Variants in ADIPOR1 observed in about 807,000 individuals in gnomAD.
ADIPOR1 encodes the protein adiponectin receptor 1.
A neutral mutation model predicts 37.5 loss-of-function variants in ADIPOR1; 15 were observed. The ratio of observed to expected loss-of-function variants is 0.40; its 90% CI spans 0.27 to 0.62. ADIPOR1 has a LOEUF of 0.62. Ranked by LOEUF, ADIPOR1 falls within the 20% of genes least tolerant of loss-of-function variation. The pLI, the probability that ADIPOR1 is intolerant of heterozygous loss-of-function variation, is 0.42. For synonymous variants in ADIPOR1, 173 were observed against 173.2 expected (o/e 1.00, Z 0.01); for missense variants, 286 against 478.0 (o/e 0.60, Z 3.75).
intron 3 of ADIPOR1, among the ~76,000 whole-genome samples, chr1:202,947,986 C>T (rs766090194): frequency 2.6e-5 from 4 of 152,142 alleles, no homozygotes; most frequent in Non-Finnish European, 5.9e-5. Context: ...TACATTAGTG[C>T]TCATCATTCA....
At chr1:202,944,884 C>A in intron 5 of ADIPOR1, 99 bp downstream of exon 5, 1 of 1,224,466 alleles carries the variant, frequency 8.2e-7, no homozygotes, top group South Asian at 1.6e-5. Flanking sequence ...ATCAAGAAAC[C>A]TTTAGGAGTG....
At chr1:202,955,141 T>C (rs554902683) in intron 1 of ADIPOR1, among the ~76,000 whole-genome samples, 1 of 152,152 alleles carries the variant, frequency 6.6e-6, no homozygotes, top group Non-Finnish European at 1.5e-5. Flanking sequence ...ATATAGGGCC[T>C]CAGCTCTCCT....
At chr1:202,956,551 A>T (rs886262238) in intron 1 of ADIPOR1, among the ~76,000 whole-genome samples, 6 of 152,230 alleles carry the variant, frequency 3.9e-5, no homozygotes, top group Non-Finnish European at 7.3e-5. Context: ...TACAAGGCTT[A>T]GTGCCATTAT....
At chr1:202,946,646 G>C in intron 3 of ADIPOR1, 36 bp from the exon 4 acceptor site, 1 of 1,606,588 alleles carries the variant, frequency 6.2e-7, no homozygotes. Context: ...TAGGGCACTA[G>C]ATAGTACCTT....
At chr1:202,951,928 A>G (rs1654591200) in intron 1 of ADIPOR1, among the ~76,000 whole-genome samples, 1 of 152,194 alleles carries the variant, frequency 6.6e-6, no homozygotes, top group African/African-American at 2.4e-5. Flanking sequence ...TGTTTCAACC[A>G]CCACAACCCA....
At chr1:202,942,779 T>C (rs1333947294) in intron 6 of ADIPOR1, among the ~76,000 whole-genome samples, 1 of 152,206 alleles carries the variant, frequency 6.6e-6, no homozygotes, top group Non-Finnish European at 1.5e-5. Flanking sequence ...TCCATCTTTG[T>C]AAATACCTTT....
intron 2 of ADIPOR1, 92 bp downstream of exon 2, chr1:202,950,838 C>G: frequency 6.5e-7 from 1 of 1,537,440 alleles, no homozygotes; most frequent in Non-Finnish European, 8.9e-7. Flanking sequence ...AATGTTCCTC[C>G]TTTTGGACGG....
intron 2 of ADIPOR1, among the ~76,000 whole-genome samples, chr1:202,949,435 C>A (rs1297772125): frequency 6.6e-6 from 1 of 151,812 alleles, no homozygotes; most frequent in Non-Finnish European, 1.5e-5. Flanking sequence ...AAAAAATTAG[C>A]CGGGCGAGGT....
At chr1:202,943,249 T>C (rs762675286) in intron 6 of ADIPOR1, among the ~76,000 whole-genome samples, 51 of 152,332 alleles carry the variant, frequency 3.3e-4, no homozygotes, top group Admixed American at 1.5e-3. Context: ...TAATTGGTGG[T>C]GTTGCTGCAA....
chr1:202,945,063 A>T lies in ADIPOR1; in HGVS notation c.537T>A (p.Gly179=), dbSNP rs1654253529. 2.5e-6 allele frequency: 4 copies of T among 1,614,082 alleles called. No individual in the cohort carries two copies. The highest frequency in any genetic ancestry group is 3.4e-6 in the Non-Finnish European group (4 of 1,180,038). Residue 179 remains glycine (G), a synonymous_variant, in exon 5 of 8, where the codon GGT becomes GGA. Transcript: ENST00000340990. ...EKVVFGMFFL[G]AVLCLSFSWL... ...AGGAGAAGCTGAGGCAGAGCACTGC[A>T]CCCAAAAAGAACATCCCAAAAACCA...
rs759555652 is a variant in ADIPOR1, at chr1:202,942,053, C to A, written c.971G>T (p.Arg324Leu). The A allele has an allele frequency of 6.2e-7, 1 of 1,612,918 alleles. No individual in the cohort carries two copies. Among genetic ancestry groups the A allele is most frequent in the Non-Finnish European group, 8.5e-7 (1 of 1,179,540 alleles). ...AGLYAARIPE[R>L]FFPGKFDIWF... ...TATGTCAAATTTTCCAGGAAAGAAG[C>A]GCTCAGGAATTCGAGCAGCATAAAG... Residue 324 changes from arginine to leucine, a missense_variant, in exon 7 of 8, where the codon CGC becomes CTC. Physicochemically the swap from Arg to Leu is moderately radical, Grantham distance 102 (BLOSUM62 -2). Transcript: ENST00000340990.
chr1:202,949,052 A>G (rs1654450725), intron 2 of ADIPOR1, among the ~76,000 whole-genome samples: 2 of 151,348 alleles, frequency 1.3e-5, no homozygotes, highest in African/African-American at 2.4e-5. Flanking sequence ...CGGCCTCCCA[A>G]AGTGCTGGGA....
chr1:202,954,881 C>T (rs1311873590), intron 1 of ADIPOR1, among the ~76,000 whole-genome samples: 3 of 152,184 alleles, frequency 2.0e-5, no homozygotes, highest in Non-Finnish European at 4.4e-5. Context: ...GGCTACGGCA[C>T]ACCTTTCCTG....
At position 202,944,987 on chromosome 1, in the gene ADIPOR1, A is replaced by G; in HGVS notation, c.613T>C (p.Ser205Pro). 6.2e-7 allele frequency: 1 copy of G among 1,609,120 alleles called. No individual in the cohort carries two copies. Among genetic ancestry groups the G allele is most frequent in the Non-Finnish European group, 8.5e-7 (1 of 1,178,346 alleles). Residue 205 changes from serine to proline, a missense_variant, in exon 5 of 8, where the codon TCC (serine) becomes CCC (proline). Coordinates refer to ENST00000340990, the MANE Select transcript of ADIPOR1 (RefSeq NM_015999.6). ...TATGGTGTTCTTTTAACTCACTTGGAAAAAGTCCGAGAGACTTTCTCTGAA... is the reference window on the plus strand; with the variant it reads ...TATGGTGTTCTTTTAACTCACTTGGGAAAAGTCCGAGAGACTTTCTCTGAA... ...CHSEKVSRTF[S>P]KLDYSGIALL... is the part of the protein sequence containing the mutation.
chr1:202,949,830 C>T (rs1051881646), intron 2 of ADIPOR1, among the ~76,000 whole-genome samples: 7 of 152,310 alleles, frequency 4.6e-5, no homozygotes, highest in South Asian at 4.1e-4. Context: ...ACAAAGCCCA[C>T]GGTTTTGTTC....
At chr1:202,954,508 C>T (rs1295066945) in intron 1 of ADIPOR1, among the ~76,000 whole-genome samples, 1 of 152,196 alleles carries the variant, frequency 6.6e-6, no homozygotes, top group Non-Finnish European at 1.5e-5. Context: ...CTAGGTGAGC[C>T]AACCTTCTGC....
chr1:202,954,990 C>T (rs1654723207), intron 1 of ADIPOR1, among the ~76,000 whole-genome samples: 1 of 152,146 alleles, frequency 6.6e-6, no homozygotes, highest in African/African-American at 2.4e-5. Context: ...TGTCCTAAAG[C>T]AAGACCAGTC....
intron 1 of ADIPOR1, among the ~76,000 whole-genome samples, chr1:202,956,440 A>G (rs1223419953): frequency 1.3e-5 from 2 of 152,220 alleles, no homozygotes; most frequent in Non-Finnish European, 1.5e-5. Context: ...ATTACTTACA[A>G]TACGCATGGT....
At chr1:202,956,632 T>C (rs1169415936) in intron 1 of ADIPOR1, among the ~76,000 whole-genome samples, 1 of 152,194 alleles carries the variant, frequency 6.6e-6, no homozygotes, top group Non-Finnish European at 1.5e-5. Context: ...TGGAAGATTT[T>C]ATGACAGGAG....
Sources: allele counts gnomAD v4.1 joint callset (sites outside exome capture counted in the v4.1 genomes callset), GRCh38; gene constraint gnomAD v4.1.1; transcripts MANE v1.5; gene names NCBI Gene and HGNC (gene_info 2026-07-23, HGNC 2026-07-21).